Variants in TENM2 observed in about 807,000 individuals in gnomAD.
TENM2 encodes teneurin-2.
TENM2 carries 52 observed loss-of-function variants against 245.2 expected under a neutral mutation model. The ratio of observed to expected loss-of-function variants is 0.21; its 90% CI spans 0.17 to 0.27. The LOEUF (loss-of-function observed/expected upper bound fraction) is 0.27, where lower values mean the gene tolerates loss of function less well. Among genes scored for constraint, TENM2 ranks in the 10% least tolerant of loss-of-function variants. The probability of loss-of-function intolerance (pLI) is 1.00; values close to 1 mark genes in which losing one functional copy is unlikely to be tolerated. For synonymous variants in TENM2, 1,363 were observed against 1,438.9 expected (o/e 0.95, Z 1.19); for missense variants, 3,046 against 3,666.8 (o/e 0.83, Z 4.37).
chr5:167,851,382 A>G (rs1262281093), intron 2 of TENM2, among the ~76,000 whole-genome samples: 1 of 152,208 alleles, frequency 6.6e-6, no homozygotes, highest in African/African-American at 2.4e-5. Context: ...GTATATTTAT[A>G]TATCCAAATT....
At position 167,353,571 on chromosome 5, in the gene TENM2, G is replaced by A. The variant is rs1189594261; in HGVS notation, c.227-21627G>A. ...CGCCCAGGCTGGAGTGCAGTGGCGG[G>A]ATCTCGGCTCACTGCAAGCTCCGCC... On this transcript the variant is annotated intron_variant, in intron 1 of 28. Transcript: ENST00000518659. 1.2e-4 allele frequency among the ~76,000 whole-genome samples: 17 copies of A among 145,516 alleles called. No individual in the cohort carries two copies. In the East Asian group the frequency reaches 3.2e-3, roughly 28 times the overall value.
intron 2 of TENM2, among the ~76,000 whole-genome samples, chr5:167,551,612 ACACACACACATACACG>A (rs1366329121): frequency 6.6e-6 from 1 of 152,080 alleles, no homozygotes; most frequent in African/African-American, 2.4e-5. Context: ...ATACATACAT[ACACACACACATACACG>A]CACACACACA....
chr5:167,413,923 C>T (rs920135601), intron 2 of TENM2, among the ~76,000 whole-genome samples: 6 of 152,060 alleles, frequency 3.9e-5, no homozygotes, highest in African/African-American at 7.2e-5. Context: ...TACCACCTAA[C>T]GTTTCTCAGT....
At chr5:167,377,346 A>G (rs1173054355) in intron 2 of TENM2, among the ~76,000 whole-genome samples, 2 of 152,192 alleles carry the variant, frequency 1.3e-5, no homozygotes, top group Non-Finnish European at 2.9e-5. Flanking sequence ...TACTAGTTGC[A>G]ATGCAGTCAG....
intron 2 of TENM2, among the ~76,000 whole-genome samples, chr5:167,652,546 T>C (rs1306172968): frequency 6.6e-6 from 1 of 151,906 alleles, no homozygotes; most frequent in African/African-American, 2.4e-5. Flanking sequence ...GAATATCTGG[T>C]CAGTATGTCA....
chr5:167,481,130 A>G (rs1215086930), intron 2 of TENM2, among the ~76,000 whole-genome samples: 1 of 152,174 alleles, frequency 6.6e-6, no homozygotes, highest in Non-Finnish European at 1.5e-5. Flanking sequence ...CATTTTATAT[A>G]AAGGCATTTC....
intron 13 of TENM2, 112 bp downstream of exon 15, chr5:168,162,869 T>C: frequency 3.8e-6 from 5 of 1,301,876 alleles, no homozygotes; most frequent in Non-Finnish European, 5.3e-6. Flanking sequence ...TCAAATGTTG[T>C]TGTAACATTT....
the TENM2 span, among the ~76,000 whole-genome samples, chr5:167,101,849 T>TTATATGTATATATATATA: frequency 1.4e-5 from 1 of 69,456 alleles, no homozygotes; most frequent in Non-Finnish European, 2.6e-5. Context: ...ATATATATAT[T>TTATATGTATATATATATA]TATATATATA....
chr5:167,513,582 A>G (rs1770115887), intron 2 of TENM2, among the ~76,000 whole-genome samples: 1 of 152,150 alleles, frequency 6.6e-6, no homozygotes, highest in African/African-American at 2.4e-5. Context: ...TATACATGCC[A>G]TTTGCAGGAT....
chr5:167,192,143 G>A, the TENM2 span, among the ~76,000 whole-genome samples: 2 of 152,026 alleles, frequency 1.3e-5, no homozygotes, highest in African/African-American at 4.8e-5. Context: ...TCTCATCTTA[G>A]TGTGGGCAGA....
the TENM2 span, among the ~76,000 whole-genome samples, chr5:167,008,600 A>C: frequency 6.6e-6 from 1 of 152,150 alleles, no homozygotes; most frequent in Non-Finnish European, 1.5e-5. Flanking sequence ...GTGAATTAGC[A>C]GTTTATTTTT....
intron 6 of TENM2, among the ~76,000 whole-genome samples, chr5:168,058,996 G>A (rs1214890295): frequency 1.3e-5 from 2 of 152,144 alleles, no homozygotes; most frequent in East Asian, 1.9e-4. Context: ...AGCAGAGCCA[G>A]GATTCAAACA....
chr5:167,162,176 A>T, the TENM2 span, among the ~76,000 whole-genome samples: 1 of 151,972 alleles, frequency 6.6e-6, no homozygotes, highest in Non-Finnish European at 1.5e-5. Context: ...CGTCTCAAAA[A>T]AAAAAAAAAC....
chr5:167,435,688 G>C (rs907895191), intron 2 of TENM2, among the ~76,000 whole-genome samples: 2 of 152,070 alleles, frequency 1.3e-5, no homozygotes, highest in Non-Finnish European at 2.9e-5. Context: ...CAGTTTGGAG[G>C]GTTCAGAAGA....
chr5:167,220,670 G>T, the TENM2 span, among the ~76,000 whole-genome samples: 1 of 152,156 alleles, frequency 6.6e-6, no homozygotes, highest in Non-Finnish European at 1.5e-5. Context: ...CAGCCCTGCT[G>T]CATGTCAGCT....
chr5:168,148,872 A>ATGAT (rs1422504911), intron 12 of TENM2, among the ~76,000 whole-genome samples: 269 of 132,432 alleles, frequency 2.0e-3, no homozygotes, highest in Non-Finnish European at 3.3e-3. Flanking sequence ...ATAAATATAT[A>ATGAT]TGATAGATAG....
intron 2 of TENM2, among the ~76,000 whole-genome samples, chr5:167,396,322 C>T (rs898440067): frequency 6.6e-6 from 1 of 151,994 alleles, no homozygotes; most frequent in Admixed American, 6.6e-5. Context: ...ATGGATGAAC[C>T]TTGGGAACAT....
At chr5:167,030,511 TTACC>T in the TENM2 span, among the ~76,000 whole-genome samples, 1 of 152,284 alleles carries the variant, frequency 6.6e-6, no homozygotes, top group African/African-American at 2.4e-5. Context: ...TTTTCATTAC[TTACC>T]TAGTCCTACA....
At chr5:167,041,874 G>T in the TENM2 span, among the ~76,000 whole-genome samples, 1 of 152,214 alleles carries the variant, frequency 6.6e-6, no homozygotes, top group South Asian at 2.1e-4. Context: ...AAGGTAATTA[G>T]TCTGAGCCCA....
Sources: allele counts gnomAD v4.1 joint callset (sites outside exome capture counted in the v4.1 genomes callset), GRCh38; gene constraint gnomAD v4.1.1; transcripts MANE v1.5; gene names NCBI Gene and HGNC (gene_info 2026-07-23, HGNC 2026-07-21).